Variants in TRAF3IP2 observed in about 807,000 individuals in gnomAD.
TRAF3IP2 encodes the protein TRAF3 interacting protein 2, also known as E3 ubiquitin ligase TRAF3IP2.
TRAF3IP2 carries 35 observed loss-of-function variants against 57.9 expected under a neutral mutation model. The ratio of observed to expected loss-of-function variants is 0.60; its 90% CI spans 0.46 to 0.80. The LOEUF is 0.80. Ranked by LOEUF, TRAF3IP2 falls within the 30% of genes least tolerant of loss-of-function variation. The pLI is 0.00. For missense variants in TRAF3IP2, 556 were observed against 706.4 expected (o/e 0.79, Z 2.41); for synonymous variants, 251 against 268.9 (o/e 0.93, Z 0.65).
chr6:111,584,747 A>G (rs1796277626), intron 2 of TRAF3IP2, among the ~76,000 whole-genome samples: 1 of 151,874 alleles, frequency 6.6e-6, no homozygotes, highest in Non-Finnish European at 1.5e-5. Flanking sequence ...TTTTCCAATT[A>G]CTATGACGAA....
At chr6:111,601,021 G>C (rs536582860) in intron 1 of TRAF3IP2, 56 of 528,488 alleles carry the variant, frequency 1.1e-4, no homozygotes, top group African/African-American at 1.0e-3. Context: ...TGGCTATTAA[G>C]TAGCAGAGCT....
At chr6:111,595,429 A>C (rs1440680675) in intron 1 of TRAF3IP2, among the ~76,000 whole-genome samples, 1 of 152,204 alleles carries the variant, frequency 6.6e-6, no homozygotes, top group African/African-American at 2.4e-5. Flanking sequence ...GAACTCAACT[A>C]TGTGTCCAAC....
At chr6:111,584,889 G>A (rs1796280671) in intron 2 of TRAF3IP2, among the ~76,000 whole-genome samples, 1 of 152,110 alleles carries the variant, frequency 6.6e-6, no homozygotes, top group Non-Finnish European at 1.5e-5. Context: ...TTTTCATAAA[G>A]AAGTTTAACT....
intron 2 of TRAF3IP2, among the ~76,000 whole-genome samples, chr6:111,590,483 T>C (rs763869728): frequency 6.6e-6 from 1 of 152,212 alleles, no homozygotes; most frequent in African/African-American, 2.4e-5. Flanking sequence ...TAAAACTTAT[T>C]GAATTTTTTA....
intron 2 of TRAF3IP2, among the ~76,000 whole-genome samples, chr6:111,582,321 G>T (rs1012065787): frequency 6.6e-6 from 1 of 152,178 alleles, no homozygotes; most frequent in African/African-American, 2.4e-5. Flanking sequence ...TCTCCTGGCA[G>T]GACCCCATGA....
chr6:111,572,294 T>C (rs953233424), intron 5 of TRAF3IP2, among the ~76,000 whole-genome samples: 1 of 152,228 alleles, frequency 6.6e-6, no homozygotes, highest in East Asian at 1.9e-4. Flanking sequence ...AAGATCACAG[T>C]GGGCTTGCAG....
At chr6:111,564,474 T>G (rs1795557679) in intron 7 of TRAF3IP2, among the ~76,000 whole-genome samples, 2 of 152,298 alleles carry the variant, frequency 1.3e-5, no homozygotes, top group South Asian at 4.1e-4. Flanking sequence ...TGCATTTTTA[T>G]TTTCTCTCAC....
chr6:111,600,967 A>C, intron 1 of TRAF3IP2: 1 of 406,472 alleles, frequency 2.5e-6, no homozygotes, highest in Non-Finnish European at 4.5e-6. Flanking sequence ...TACAGACAGG[A>C]AAAGCAAGGC....
At chr6:111,567,364 C>T (rs1350128251) in intron 6 of TRAF3IP2, 5 of 1,218,002 alleles carry the variant, frequency 4.1e-6, no homozygotes, top group East Asian at 3.8e-5. Flanking sequence ...TTCCTATTCT[C>T]GTCAAAAGAT....
Position 111,573,038 on chromosome 6 carries a change from C to T in TRAF3IP2, c.1202-55G>A, listed in dbSNP as rs878979323. 4.0e-5 allele frequency: 54 copies of T among 1,348,184 alleles called. No individual in the cohort carries two copies. In the South Asian group the frequency reaches 5.2e-4, roughly 13 times the overall value. The allele number at this position is 1,348,184 out of a possible 1,614,324, so 83.5% of individuals were successfully genotyped here. A position where few individuals can be genotyped will look rare whatever the true frequency, so the allele number is the denominator to read the frequency against. ...ACTGATCAAATTATTCTATTGTAAA[C>T]AAACTTCTAAATTATATGCAATATC... On this transcript the variant is annotated intron_variant, in intron 4 of 8. Coordinates refer to ENST00000368761, the MANE Select transcript of TRAF3IP2 (RefSeq NM_147686.4).
chr6:111,559,580 G>A, intron 8 of TRAF3IP2, 29 bp from the exon 9 acceptor site: 1 of 1,605,484 alleles, frequency 6.2e-7, no homozygotes, highest in Non-Finnish European at 8.5e-7. Flanking sequence ...CAGGAGCAAA[G>A]GTCATTAGAG....
intron 1 of TRAF3IP2, among the ~76,000 whole-genome samples, chr6:111,599,171 G>C (rs1159965783): frequency 6.7e-6 from 1 of 149,382 alleles, no homozygotes; most frequent in Non-Finnish European, 1.5e-5. Context: ...TCCTTCCAAA[G>C]TGCTGAGATT....
At chr6:111,573,815 G>A (rs146097453) in intron 4 of TRAF3IP2, 1 of 152,350 alleles carries the variant, frequency 6.6e-6, no homozygotes, top group East Asian at 1.9e-4. Context: ...GTCTGGAATG[G>A]ACCACTTAAA....
Position 111,561,442 on chromosome 6 carries a change from A to G in TRAF3IP2, c.1551+1523T>C, listed in dbSNP as rs182716006. On this transcript the variant is annotated intron_variant, in intron 8 of 8. Transcript: ENST00000368761. The stretch of plus-strand genomic sequence containing the variant: ...TGACAGAGCAAGACTCCGTCTCAAA[A>G]CAAACAACCAAAAGAGGTGTCGGGG... 5.3e-5 allele frequency among the ~76,000 whole-genome samples: 8 copies of G among 152,286 alleles called. No homozygotes were observed. In the East Asian group the frequency reaches 1.5e-3, roughly 29 times the overall value.
intron 7 of TRAF3IP2, among the ~76,000 whole-genome samples, chr6:111,565,556 G>C (rs1795609242): frequency 6.6e-6 from 1 of 152,066 alleles, no homozygotes; most frequent in East Asian, 1.9e-4. Flanking sequence ...CACCCACTGG[G>C]AACTCCACAG....
intron 1 of TRAF3IP2, among the ~76,000 whole-genome samples, chr6:111,604,590 A>T (rs962993282): frequency 6.6e-6 from 1 of 152,222 alleles, no homozygotes; most frequent in Non-Finnish European, 1.5e-5. Context: ...CCTCAATTCC[A>T]GGCAGCCCTC....
intron 5 of TRAF3IP2, 69 bp downstream of exon 5, chr6:111,572,826 C>T (rs1228349832): frequency 1.6e-6 from 2 of 1,240,104 alleles, no homozygotes; most frequent in Admixed American, 1.8e-5. Flanking sequence ...TACACTTTTT[C>T]TTCTGCTGCT....
intron 2 of TRAF3IP2, among the ~76,000 whole-genome samples, chr6:111,583,001 C>G (rs188859113): frequency 6.6e-6 from 1 of 152,354 alleles, no homozygotes; most frequent in African/African-American, 2.4e-5. Flanking sequence ...TCCAAAGAGT[C>G]CTGCCTCTTC....
Position 111,575,587 on chromosome 6 carries a change from CAAAAAA to C in TRAF3IP2, c.1201+50_1201+55del, listed in dbSNP as rs60481646. 5.0e-3 allele frequency: 6,751 copies of C among 1,349,262 alleles called. 15 individuals are homozygous for C. The highest frequency in any genetic ancestry group is 0.014 in the East Asian group (531 of 37,814). The allele number at this position is 1,349,262 out of a possible 1,614,324, so 83.6% of individuals were successfully genotyped here. ...TGGGCAACAGAGCGAGACTCCGTCT[CAAAAAA>C]AAAAAAAAAAAAAAAGAGGAAGGAG... On this transcript the variant is annotated intron_variant, in intron 4 of 8. Coordinates refer to ENST00000368761, the MANE Select transcript of TRAF3IP2 (RefSeq NM_147686.4).
Sources: gnomAD v4.1 joint callset for allele counts (sites outside exome capture counted in the v4.1 genomes callset) on GRCh38, gnomAD v4.1.1 for gene constraint, MANE v1.5 for transcripts, NCBI Gene and HGNC (gene_info 2026-07-23, HGNC 2026-07-21) for gene names.